IQCB1: variants seen among roughly 807,000 people sequenced by gnomAD.
IQCB1 encodes the protein IQ motif containing B1.
In IQCB1, 56 loss-of-function variants were observed where a neutral mutation model predicts 84.4. That is an observed-to-expected ratio of 0.66 (90% CI 0.54 to 0.83). IQCB1 has a LOEUF of 0.83. Ranked by LOEUF, IQCB1 falls within the 40% of genes least tolerant of loss-of-function variation. The probability of loss-of-function intolerance (pLI) is 0.00; values close to 1 mark genes in which losing one functional copy is unlikely to be tolerated. For synonymous variants in IQCB1, 210 were observed against 234.8 expected (o/e 0.89, Z 0.96); for missense variants, 629 against 682.1 (o/e 0.92, Z 0.87).
intron 7 of IQCB1, among the ~76,000 whole-genome samples, chr3:121,806,440 A>C (rs1949602136): frequency 6.6e-6 from 1 of 152,100 alleles, no homozygotes; most frequent in Non-Finnish European, 1.5e-5. Context: ...CATGACTTTG[A>C]GTCTCAGCCG....
At position 121,770,196 on chromosome 3, in the gene IQCB1, T is replaced by G. The variant is rs778511429; in HGVS notation, c.*149A>C. 6.4e-6 allele frequency: 4 copies of G among 625,572 alleles called. No individual in the cohort carries two copies. Among genetic ancestry groups the G allele is most frequent in the Non-Finnish European group, 5.7e-6 (2 of 351,154 alleles). The allele number at this position is 625,572 out of a possible 1,614,324, so 38.8% of individuals were successfully genotyped here. A position where few individuals can be genotyped will look rare whatever the true frequency, so the allele number is the denominator to read the frequency against. ...AAAGAAAATTGAGAGAGAGGTAGAATATAACTCTTTGCTTACTGCAGGTCT... is the reference window on the plus strand; with the variant it reads ...AAAGAAAATTGAGAGAGAGGTAGAAGATAACTCTTTGCTTACTGCAGGTCT... On this transcript the variant is annotated 3_prime_UTR_variant, in exon 15 of 15. Coordinates refer to ENST00000310864, the MANE Select transcript of IQCB1 (RefSeq NM_001023570.4).
intron 5 of IQCB1, among the ~76,000 whole-genome samples, chr3:121,815,951 GC>G (rs1950037979): frequency 1.5e-5 from 2 of 130,900 alleles, no homozygotes; most frequent in East Asian, 4.3e-4. Context: ...AAAAAAAAGA[GC>G]CCGTATAGCC....
chr3:121,815,379 C>G (rs949264480), intron 5 of IQCB1, among the ~76,000 whole-genome samples: 11 of 152,180 alleles, frequency 7.2e-5, no homozygotes, highest in African/African-American at 2.7e-4. Flanking sequence ...CTCTCCACCC[C>G]TATTCAACAT....
chr3:121,774,010 C>T (rs545700671), intron 13 of IQCB1, among the ~76,000 whole-genome samples: 2 of 151,966 alleles, frequency 1.3e-5, no homozygotes, highest in South Asian at 4.1e-4. Flanking sequence ...GCAAATCATA[C>T]ATCTAAGGGA....
chr3:121,792,807 C>A (rs1949044921), intron 10 of IQCB1, among the ~76,000 whole-genome samples: 1 of 152,088 alleles, frequency 6.6e-6, no homozygotes, highest in South Asian at 2.1e-4. Context: ...TGTAATTCCC[C>A]CATTTATTAT....
At chr3:121,770,831 C>T (rs1947949157) in intron 14 of IQCB1, among the ~76,000 whole-genome samples, 1 of 152,126 alleles carries the variant, frequency 6.6e-6, no homozygotes, top group Admixed American at 6.5e-5. Flanking sequence ...TATGCCACCA[C>T]ACCCAGCTAA....
chr3:121,786,574 T>C (rs1387283317), intron 12 of IQCB1, among the ~76,000 whole-genome samples: 1 of 152,176 alleles, frequency 6.6e-6, no homozygotes, highest in Non-Finnish European at 1.5e-5. Flanking sequence ...CTTATTTTTA[T>C]TAATGAGATG....
At chr3:121,825,065 T>C (rs1313037383) in intron 5 of IQCB1, among the ~76,000 whole-genome samples, 1 of 151,100 alleles carries the variant, frequency 6.6e-6, no homozygotes, top group Non-Finnish European at 1.5e-5. Flanking sequence ...TCTTTTCTTT[T>C]TTTTTTTTTT....
intron 12 of IQCB1, 71 bp downstream of exon 12, chr3:121,788,213 T>A: frequency 6.9e-7 from 1 of 1,439,306 alleles, no homozygotes; most frequent in South Asian, 1.1e-5. Flanking sequence ...CAACAGGTAA[T>A]TAGCAAAGTC....
At chr3:121,790,867 G>T (rs922709339) in intron 10 of IQCB1, among the ~76,000 whole-genome samples, 4 of 151,946 alleles carry the variant, frequency 2.6e-5, no homozygotes, top group Admixed American at 2.0e-4. Flanking sequence ...TTCTTCTTAT[G>T]CCTATTTCTC....
intron 5 of IQCB1, among the ~76,000 whole-genome samples, chr3:121,824,730 A>C (rs1920296): frequency 0.64 from 97,725 of 151,838 alleles, 31,950 homozygotes; most frequent in African/African-American, 0.72. Context: ...TGAAGCAAAA[A>C]CATATAGAAC....
At chr3:121,830,234 G>A (rs1213037219) in intron 2 of IQCB1, among the ~76,000 whole-genome samples, 3 of 149,602 alleles carry the variant, frequency 2.0e-5, no homozygotes, top group Admixed American at 6.7e-5. Context: ...TAATAAATAA[G>A]TAAATAGTAT....
rs1249101270 is a variant in IQCB1, at chr3:121,780,162, T to TCTCA, written c.1410+1577_1410+1580dup. 5.9e-5 allele frequency among the ~76,000 whole-genome samples: 9 copies of TCTCA among 152,318 alleles called. No homozygotes were observed. The East Asian group carries it at 1.7e-3, about 29-fold the overall frequency. ...TCTAGTTCCCTTGGTGTCACCTGAC[T>TCTCA]CTCAGTGCCATCTCCTTAACTCAAG... On this transcript the variant is annotated intron_variant, in intron 13 of 14. Transcript: ENST00000310864.
In IQCB1 at chr3:121,781,804, A is replaced by C; in HGVS notation, c.1349T>G (p.Leu450Arg). The C allele has an allele frequency of 6.2e-7, 1 of 1,613,884 alleles. No individual in the cohort carries two copies. Among genetic ancestry groups the C allele is most frequent in the South Asian group, 1.1e-5 (1 of 91,066 alleles). The change falls in exon 13 of 15, where the codon CTC becomes CGC. Residue 450 changes from leucine (L) to arginine (R), a missense_variant. Physicochemically the swap from Leu to Arg is moderately radical, Grantham distance 102. Transcript: ENST00000310864. ...LFAPWRGLQE[L>R]TDARRVELKK... ...CAGTTCAACTCGGCGTGCATCAGTGAGTTCTTGGAGTCCTCGCCAAGGAGC... is the reference window on the plus strand; with the variant it reads ...CAGTTCAACTCGGCGTGCATCAGTGCGTTCTTGGAGTCCTCGCCAAGGAGC...
chr3:121,829,928 C>T (rs1950575486), intron 2 of IQCB1, among the ~76,000 whole-genome samples: 1 of 151,984 alleles, frequency 6.6e-6, no homozygotes, highest in Admixed American at 6.6e-5. Flanking sequence ...TGAATAAGGC[C>T]AGGGGCAGTG....
intron 12 of IQCB1, among the ~76,000 whole-genome samples, chr3:121,784,172 T>C (rs560015714): frequency 6.7e-6 from 1 of 149,228 alleles, no homozygotes; most frequent in African/African-American, 2.5e-5. Context: ...CCTAGACTGG[T>C]AGTCTTTTCT....
chr3:121,811,185 T>TG (rs1233077082), intron 5 of IQCB1, among the ~76,000 whole-genome samples: 2 of 152,052 alleles, frequency 1.3e-5, no homozygotes, highest in Non-Finnish European at 2.9e-5. Flanking sequence ...TGCAAGGGGC[T>TG]GGGGACCTCC....
chr3:121,796,584 A>G (rs2108564311), intron 9 of IQCB1, among the ~76,000 whole-genome samples: 1 of 152,294 alleles, frequency 6.6e-6, no homozygotes, highest in East Asian at 1.9e-4. Context: ...ACAAAGGAAA[A>G]GGCATTATTG....
intron 13 of IQCB1, among the ~76,000 whole-genome samples, chr3:121,776,259 A>C (rs1210999426): frequency 6.6e-6 from 1 of 152,130 alleles, no homozygotes; most frequent in Non-Finnish European, 1.5e-5. Flanking sequence ...GTATCAATTT[A>C]TTCCTTTATA....
Sources: gnomAD v4.1 joint callset for allele counts (sites outside exome capture counted in the v4.1 genomes callset) on GRCh38, gnomAD v4.1.1 for gene constraint, MANE v1.5 for transcripts, NCBI Gene and HGNC (gene_info 2026-07-23, HGNC 2026-07-21) for gene names.